STOML3: variants seen among roughly 807,000 people sequenced by gnomAD.
STOML3 encodes stomatin-like protein 3.
In STOML3, 31 loss-of-function variants were observed where a neutral mutation model predicts 29.5. The observed-to-expected ratio is 1.05, with a 90% confidence interval of 0.79 to 1.42. The LOEUF (loss-of-function observed/expected upper bound fraction) is 1.42. STOML3 is among the 40% of genes most tolerant of loss of function. The pLI, the probability that STOML3 is intolerant of heterozygous loss-of-function variation, is 0.00. For missense variants in STOML3, 380 were observed against 363.0 expected (o/e 1.05, Z -0.38); for synonymous variants, 122 against 139.8 (o/e 0.87, Z 0.90).
At chr13:38,972,923 A>G (rs919982180) in intron 3 of STOML3, among the ~76,000 whole-genome samples, 1 of 152,048 alleles carries the variant, frequency 6.6e-6, no homozygotes, top group African/African-American at 2.4e-5. Context: ...TGTGAAAAGC[A>G]TCTTTGGGAC....
At chr13:38,984,753 C>G (rs928089502) in intron 1 of STOML3, among the ~76,000 whole-genome samples, 1 of 152,180 alleles carries the variant, frequency 6.6e-6, no homozygotes, top group Non-Finnish European at 1.5e-5. Flanking sequence ...CATTGTTAAG[C>G]AGTACATGAT....
intron 1 of STOML3, among the ~76,000 whole-genome samples, chr13:38,986,417 G>C (rs1252619555): frequency 6.6e-6 from 1 of 152,124 alleles, no homozygotes; most frequent in East Asian, 1.9e-4. Context: ...TATCAAAGCA[G>C]GGAAGACCAG....
intron 1 of STOML3, 39 bp from the exon 2 acceptor site, chr13:38,976,836 G>C (rs766192855): frequency 6.4e-7 from 1 of 1,573,116 alleles, no homozygotes; most frequent in East Asian, 2.3e-5. Context: ...GATCAATGTG[G>C]TTATTAAAAA....
chr13:38,972,886 TTAAC>T (rs1880929815), intron 3 of STOML3, among the ~76,000 whole-genome samples: 1 of 152,072 alleles, frequency 6.6e-6, no homozygotes, highest in Non-Finnish European at 1.5e-5. Flanking sequence ...TAATTGGACA[TTAAC>T]TAAAAATAAT....
At chr13:38,989,232 G>A (rs776760011) in intron 1 of STOML3, among the ~76,000 whole-genome samples, 29 of 151,416 alleles carry the variant, frequency 1.9e-4, no homozygotes, top group Non-Finnish European at 3.2e-4. Flanking sequence ...TTCAAATATC[G>A]AAACCAAGAA....
intron 1 of STOML3, among the ~76,000 whole-genome samples, chr13:38,986,780 GCT>G (rs1868588643): frequency 6.6e-6 from 1 of 152,120 alleles, no homozygotes; most frequent in Non-Finnish European, 1.5e-5. Flanking sequence ...TACTCAAAAT[GCT>G]CTCTTAGCCT....
chr13:38,970,440 T>G, intron 4 of STOML3, 52 bp from the exon 5 acceptor site: 1 of 1,484,874 alleles, frequency 6.7e-7, no homozygotes, highest in Non-Finnish European at 9.3e-7. Flanking sequence ...TCACCACTAC[T>G]GACAAAGTGA....
chr13:38,974,479 G>T (rs142104618), intron 3 of STOML3, among the ~76,000 whole-genome samples: 1 of 152,070 alleles, frequency 6.6e-6, no homozygotes, highest in Non-Finnish European at 1.5e-5. Flanking sequence ...CTTGTGACCA[G>T]GGAAAACTCA....
chr13:38,975,404 T>A (rs1430376568), intron 3 of STOML3, among the ~76,000 whole-genome samples: 1 of 152,168 alleles, frequency 6.6e-6, no homozygotes, highest in East Asian at 1.9e-4. Context: ...TTTCCCATAA[T>A]TTTTTTATAT....
intron 6 of STOML3, 57 bp from the exon 7 acceptor site, chr13:38,967,106 T>C: frequency 1.3e-6 from 2 of 1,501,334 alleles, no homozygotes; most frequent in Non-Finnish European, 1.8e-6. Flanking sequence ...TAACTAGTTC[T>C]TTCTTTTTCT....
At position 38,970,370 on chromosome 13, in the gene STOML3, C is replaced by T. The variant is rs34402894; in HGVS notation, c.331G>A (p.Val111Ile). Residue 111 changes from valine to isoleucine, a missense_variant, in exon 5 of 7, where the codon GTA (valine) becomes ATA (isoleucine). Coordinates refer to ENST00000379631, the MANE Select transcript of STOML3 (RefSeq NM_145286.3). ...ACAACTCCATCTACCTGAGTAGTTA[C>T]GGAGTCTCTGGTGAGGATCTGTGGA... is the stretch of plus-strand genomic sequence containing the variant. ...PPQEILTRDS[V>I]TTQVDGVVYY... 6.1e-4 allele frequency: 981 copies of T among 1,614,064 alleles called. 2 individuals carry two copies. Among genetic ancestry groups the T allele is most frequent in the Middle Eastern group, 1.2e-3 (7 of 6,062 alleles).
At chr13:38,987,881 T>A (rs1430189627) in intron 1 of STOML3, among the ~76,000 whole-genome samples, 1 of 70,878 alleles carries the variant, frequency 1.4e-5, no homozygotes, top group Non-Finnish European at 2.1e-5. Context: ...TATATTATAT[T>A]TTATATAATA....
chr13:38,984,663 C>T (rs1049330692), intron 1 of STOML3, among the ~76,000 whole-genome samples: 1 of 152,170 alleles, frequency 6.6e-6, no homozygotes, highest in Admixed American at 6.5e-5. Flanking sequence ...GGCTGTACCA[C>T]TGAAGTTTCT....
At chr13:38,972,628 C>G (rs767908418) in intron 3 of STOML3, 34 bp from the exon 4 acceptor site, 8 of 1,598,568 alleles carry the variant, frequency 5.0e-6, no homozygotes, top group Middle Eastern at 3.3e-4. Flanking sequence ...AAATGTTGCT[C>G]TGTTGAAAAT....
At position 38,970,310 on chromosome 13, in the gene STOML3, C is replaced by A; in HGVS notation, c.391G>T (p.Ala131Ser). Residue 131 changes from alanine to serine, a missense_variant, in exon 5 of 7, where the codon GCT becomes TCT. By Grantham distance (99) the Ala-to-Ser change is moderately conservative. Transcript: ENST00000379631. Reference protein sequence around the residue: ...YRIYSAVSAVANVNDVHQATF... With the variant: ...YRIYSAVSAVSNVNDVHQATF... ...GCTTGATGGACATCGTTGACATTAG[C>A]CACTGCTGAGACAGCACTATAGATT... 6.2e-7 allele frequency: 1 copy of A among 1,614,166 alleles called. No homozygotes were observed. The highest frequency in any genetic ancestry group is 8.5e-7 in the Non-Finnish European group (1 of 1,180,012).
In STOML3 at chr13:38,977,750, A is replaced by ATTTTTTTTTTTTTTTTTTTTTTTTTT. The variant is rs397851686; in HGVS notation, c.53-979_53-954dup. Among the ~76,000 whole-genome samples the ATTTTTTTTTTTTTTTTTTTTTTTTTT allele has an allele frequency of 6.4e-4, 54 of 84,232 alleles. 3 individuals carry two copies. The highest frequency in any genetic ancestry group is 6.7e-3 in the Middle Eastern group (1 of 150). The allele number at this position is 84,232 out of a possible 152,430, so 55.3% of individuals were successfully genotyped here. A position where few individuals can be genotyped will look rare whatever the true frequency, so the allele number is the denominator to read the frequency against. On this transcript the variant is annotated intron_variant, in intron 1 of 6. Transcript: ENST00000379631. ...ATTATATAATTTCTGAAGTCTCCGG[A>ATTTTTTTTTTTTTTTTTTTTTTTTTT]TTTTTTTTTTTTTTTTTTTTTTTTT...
chr13:38,986,034 G>GT (rs1400577408), intron 1 of STOML3, among the ~76,000 whole-genome samples: 4 of 93,744 alleles, frequency 4.3e-5, no homozygotes, highest in Admixed American at 1.2e-4. Context: ...ATATTTACCT[G>GT]GTTTTTTTTT....
At chr13:38,990,634 T>TAA in intron 1 of STOML3, 36 bp downstream of exon 1, 1 of 1,611,652 alleles carries the variant, frequency 6.2e-7, no homozygotes, top group African/African-American at 1.3e-5. Context: ...GCCATATATG[T>TAA]AAAAAACAAG....
intron 1 of STOML3, among the ~76,000 whole-genome samples, chr13:38,986,832 A>C (rs994616225): frequency 1.3e-5 from 2 of 152,064 alleles, no homozygotes; most frequent in African/African-American, 4.8e-5. Flanking sequence ...TTGGATGCAA[A>C]ATCTTAAGCC....
Sources: gnomAD v4.1 joint callset for allele counts (sites outside exome capture counted in the v4.1 genomes callset) on GRCh38, gnomAD v4.1.1 for gene constraint, MANE v1.5 for transcripts, NCBI Gene and HGNC (gene_info 2026-07-23, HGNC 2026-07-21) for gene names.